Variants in NREP observed in about 807,000 individuals in gnomAD.
The protein encoded by NREP is neuronal regeneration related protein, also known as neuronal regeneration-related protein.
A neutral mutation model predicts 8.6 loss-of-function variants in NREP; 5 were observed. That is an observed-to-expected ratio of 0.58 (90% confidence interval 0.30 to 1.22). NREP has a LOEUF of 1.22. Ranked by LOEUF, NREP falls within the 50% of genes most tolerant of loss-of-function variation. The pLI, the probability that NREP is intolerant of heterozygous loss-of-function variation, is 0.07. For synonymous variants in NREP, 27 were observed against 28.0 expected (o/e 0.96, Z 0.11); for missense variants, 86 against 82.5 (o/e 1.04, Z -0.17).
At chr5:111,741,326 T>C (rs376075657) in intron 2 of NREP, among the ~76,000 whole-genome samples, 77 of 152,282 alleles carry the variant, frequency 5.1e-4, no homozygotes, top group Admixed American at 1.2e-3. Flanking sequence ...GCCAGGAGGT[T>C]GTGAAACCTA....
intron 2 of NREP, among the ~76,000 whole-genome samples, chr5:111,906,327 A>AT (rs35575087): frequency 2.0e-5 from 3 of 151,702 alleles, no homozygotes; most frequent in Admixed American, 6.6e-5. Flanking sequence ...AAAAAGATAA[A>AT]TTTTTTTTGG....
At chr5:111,940,648 A>G (rs1755804253) in intron 2 of NREP, among the ~76,000 whole-genome samples, 1 of 152,052 alleles carries the variant, frequency 6.6e-6, no homozygotes, top group Non-Finnish European at 1.5e-5. Context: ...CCGACTCTGA[A>G]GACAGAGAAG....
chr5:111,886,337 G>A (rs901014983), intron 2 of NREP, among the ~76,000 whole-genome samples: 1 of 151,784 alleles, frequency 6.6e-6, no homozygotes, highest in Non-Finnish European at 1.5e-5. Flanking sequence ...TGCTGGAGAG[G>A]ATGTGGAGAA....
intron 2 of NREP, among the ~76,000 whole-genome samples, chr5:111,872,069 T>A (rs571358311): frequency 6.6e-5 from 10 of 151,374 alleles, no homozygotes; most frequent in Admixed American, 2.0e-4. Flanking sequence ...TAAATATATA[T>A]ACACACACAT....
chr5:111,858,008 C>T (rs1335131629), intron 2 of NREP, among the ~76,000 whole-genome samples: 1 of 151,522 alleles, frequency 6.6e-6, no homozygotes, highest in Non-Finnish European at 1.5e-5. Context: ...TTTGAGTCTA[C>T]TTTATAACTA....
chr5:111,891,808 G>T (rs1039079523), intron 2 of NREP, among the ~76,000 whole-genome samples: 2 of 152,148 alleles, frequency 1.3e-5, no homozygotes, highest in African/African-American at 4.8e-5. Context: ...CTATCGTGAG[G>T]ACAGCACCAA....
intron 2 of NREP, among the ~76,000 whole-genome samples, chr5:111,955,186 TCA>T (rs1298587943): frequency 6.6e-6 from 1 of 152,166 alleles, no homozygotes; most frequent in Non-Finnish European, 1.5e-5. Flanking sequence ...GAGCCAGCTC[TCA>T]GAGTTTCCTT....
intron 2 of NREP, among the ~76,000 whole-genome samples, chr5:111,765,486 A>C (rs1222527261): frequency 6.6e-6 from 1 of 152,224 alleles, no homozygotes; most frequent in Non-Finnish European, 1.5e-5. Flanking sequence ...CTCAAGAACT[A>C]TATAGCCCTT....
chr5:111,758,464 A>G (rs889853226), upstream of NREP, among the ~76,000 whole-genome samples: 2 of 152,246 alleles, frequency 1.3e-5, no homozygotes, highest in African/African-American at 2.4e-5. Context: ...TAGTAATGTA[A>G]TAGCTCAAAA....
intron 2 of NREP, among the ~76,000 whole-genome samples, chr5:111,824,719 G>C (rs1472590200): frequency 1.3e-5 from 2 of 152,102 alleles, no homozygotes; most frequent in Non-Finnish European, 2.9e-5. Context: ...ATCAAAAGTA[G>C]ATCTCATATT....
chr5:111,907,244 A>C (rs959547012), intron 2 of NREP, among the ~76,000 whole-genome samples: 7 of 152,006 alleles, frequency 4.6e-5, no homozygotes, highest in Admixed American at 1.3e-4. Flanking sequence ...TTGATATTGT[A>C]TTTAAAAACG....
At chr5:111,952,013 C>A (rs1355108313) in intron 2 of NREP, among the ~76,000 whole-genome samples, 1 of 152,026 alleles carries the variant, frequency 6.6e-6, no homozygotes, top group Non-Finnish European at 1.5e-5. Flanking sequence ...CACTCCTGTC[C>A]CAGGCAACTA....
At chr5:111,954,215 T>C (rs1250233888) in intron 2 of NREP, among the ~76,000 whole-genome samples, 1 of 152,120 alleles carries the variant, frequency 6.6e-6, no homozygotes, top group African/African-American at 2.4e-5. Context: ...AGAAGAACTG[T>C]CAGGTGAAAG....
chr5:111,896,183 T>C (rs969459022), intron 2 of NREP, among the ~76,000 whole-genome samples: 1 of 152,154 alleles, frequency 6.6e-6, no homozygotes, highest in Non-Finnish European at 1.5e-5. Context: ...TTGAAATCTA[T>C]GTGCAAAACG....
chr5:111,853,964 G>T (rs1753367194), intron 2 of NREP, among the ~76,000 whole-genome samples: 1 of 152,068 alleles, frequency 6.6e-6, no homozygotes, highest in Admixed American at 6.6e-5. Context: ...CTGAAGACAT[G>T]CAACAGCCAA....
intron 2 of NREP, chr5:111,940,242 A>G (rs1755794600): frequency 6.6e-6 from 1 of 152,116 alleles, no homozygotes; most frequent in Non-Finnish European, 1.5e-5. Flanking sequence ...CTTACCTGAA[A>G]AAAGACTACG....
intron 2 of NREP, among the ~76,000 whole-genome samples, chr5:111,781,115 T>C (rs1002000072): frequency 3.3e-5 from 5 of 152,160 alleles, no homozygotes; most frequent in Admixed American, 2.0e-4. Context: ...CTAGTACTCA[T>C]TGGTTACTTT....
At chr5:111,799,456 G>T (rs1404502073) in intron 2 of NREP, among the ~76,000 whole-genome samples, 1 of 152,202 alleles carries the variant, frequency 6.6e-6, no homozygotes, top group Admixed American at 6.5e-5. Flanking sequence ...AATCCCATTT[G>T]TGGTTAACAC....
At position 111,730,646 on chromosome 5, in the gene NREP, A is replaced by C; in HGVS notation, c.*275T>G. 3.4e-6 allele frequency: 1 copy of C among 296,584 alleles called. No homozygotes were observed. Among genetic ancestry groups the C allele is most frequent in the Non-Finnish European group, 6.3e-6 (1 of 159,846 alleles). The allele number at this position is 296,584 out of a possible 1,614,324, so 18.4% of individuals were successfully genotyped here. On this transcript the variant is annotated 3_prime_UTR_variant, in exon 4 of 4. Coordinates refer to ENST00000257435, the MANE Select transcript of NREP (RefSeq NM_004772.4). ...GCGGTGGGAGTTTGAGTTGTGGAAGACATTGTTGTAGCGAACCAGGCCTGA... is the reference window on the plus strand; with the variant it reads ...GCGGTGGGAGTTTGAGTTGTGGAAGCCATTGTTGTAGCGAACCAGGCCTGA...
Sources: gnomAD v4.1 joint callset for allele counts (sites outside exome capture counted in the v4.1 genomes callset) on GRCh38, gnomAD v4.1.1 for gene constraint, MANE v1.5 for transcripts, NCBI Gene and HGNC (gene_info 2026-07-23, HGNC 2026-07-21) for gene names.